The following GRIP1 variants were observed in gnomAD, a reference collection of about 807,000 sequenced individuals.
The protein encoded by GRIP1 is glutamate receptor interacting protein 1, also known as glutamate receptor-interacting protein 1.
A neutral mutation model predicts 129.9 loss-of-function variants in GRIP1; 45 were observed. The observed-to-expected ratio is 0.35, with a 90% CI of 0.27 to 0.44. GRIP1 has a LOEUF of 0.44. GRIP1 is among the 20% of genes least tolerant of loss of function. GRIP1 has a pLI of 1.00. For missense variants in GRIP1, 1,196 were observed against 1,396.8 expected (o/e 0.86, Z 2.29); for synonymous variants, 530 against 520.8 (o/e 1.02, Z -0.24).
At chr12:66,681,521 G>C (rs1248376216), upstream of GRIP1, among the ~76,000 whole-genome samples, 2 of 152,176 alleles carry the variant, frequency 1.3e-5, no homozygotes, top group Non-Finnish European at 2.9e-5. Flanking sequence ...CTACAAGGCA[G>C]AGTGACCTAC....
chr12:66,650,404 C>G (rs2032709032), intron 1 of GRIP1, among the ~76,000 whole-genome samples: 1 of 152,130 alleles, frequency 6.6e-6, no homozygotes, highest in Non-Finnish European at 1.5e-5. Flanking sequence ...ACCATCTTAA[C>G]TATTCTCAGT....
At chr12:66,371,348 A>G (rs1233157446) in intron 23 of GRIP1, among the ~76,000 whole-genome samples, 2 of 151,992 alleles carry the variant, frequency 1.3e-5, no homozygotes, top group Non-Finnish European at 2.9e-5. Context: ...TAGTAGAGAC[A>G]GGGTTTCACC....
chr12:66,668,784 T>A (rs11176369), intron 1 of GRIP1, among the ~76,000 whole-genome samples: 7,322 of 146,348 alleles, frequency 0.05, 264 homozygotes, highest in East Asian at 0.11. Context: ...GAAAAAAAAA[T>A]AATAATAATA....
intron 1 of GRIP1, among the ~76,000 whole-genome samples, chr12:66,814,313 T>C (rs1232221616): frequency 6.6e-6 from 1 of 152,066 alleles, no homozygotes; most frequent in Non-Finnish European, 1.5e-5. Context: ...CTCTTGGAGA[T>C]TGGTACATAG....
At chr12:66,876,441 A>G (rs977009364) in intron 1 of GRIP1, among the ~76,000 whole-genome samples, 1 of 152,074 alleles carries the variant, frequency 6.6e-6, no homozygotes, top group African/African-American at 2.4e-5. Flanking sequence ...ACTAGCACAC[A>G]TTACTGGCCT....
At chr12:66,785,467 G>T (rs1194468217) in intron 1 of GRIP1, among the ~76,000 whole-genome samples, 1 of 150,810 alleles carries the variant, frequency 6.6e-6, no homozygotes, top group Non-Finnish European at 1.5e-5. Context: ...AGCTCTGATT[G>T]TGCCACTGCA....
intron 1 of GRIP1, among the ~76,000 whole-genome samples, chr12:66,849,946 C>T (rs1373220335): frequency 6.6e-6 from 1 of 152,136 alleles, no homozygotes; most frequent in Non-Finnish European, 1.5e-5. Context: ...GAGCTCCAAC[C>T]CAGTTTCTCA....
At chr12:66,596,290 G>C (rs1219622224) in intron 2 of GRIP1, among the ~76,000 whole-genome samples, 1 of 152,076 alleles carries the variant, frequency 6.6e-6, no homozygotes, top group Non-Finnish European at 1.5e-5. Flanking sequence ...GACATTTAAA[G>C]ATATTTCTTC....
intron 2 of GRIP1, among the ~76,000 whole-genome samples, chr12:66,561,812 G>A (rs928131769): frequency 6.6e-6 from 1 of 152,158 alleles, no homozygotes; most frequent in Non-Finnish European, 1.5e-5. Flanking sequence ...GAAAGAATAT[G>A]TCTGGGTTTG....
At chr12:66,597,178 T>C (rs1348383521) in intron 1 of GRIP1, among the ~76,000 whole-genome samples, 3 of 152,206 alleles carry the variant, frequency 2.0e-5, no homozygotes, top group East Asian at 1.9e-4. Context: ...TCAAAAGCTA[T>C]AGTGCTCGTG....
Position 66,861,502 on chromosome 12 carries a change from G to A in GRIP1, c.58+207548C>T, listed in dbSNP as rs534218675. On this transcript the variant is annotated intron_variant, in intron 1 of 1. Coordinates refer to the GRIP1 transcript ENST00000643019. Reference sequence around the variant, plus strand: ...AGAAAGAAGATTTTATAGCCCCTATGCTCTTTTGCTTAGAAAAGTAGAACA... The same window carrying A: ...AGAAAGAAGATTTTATAGCCCCTATACTCTTTTGCTTAGAAAAGTAGAACA... Among the ~76,000 whole-genome samples the A allele has an allele frequency of 7.9e-5, 12 of 152,218 alleles. No individual in the cohort carries two copies. The East Asian group carries it at 2.3e-3, about 29-fold the overall frequency.
chr12:66,805,099 T>C (rs1327637032), upstream of GRIP1, among the ~76,000 whole-genome samples: 1 of 151,786 alleles, frequency 6.6e-6, no homozygotes, highest in African/African-American at 2.4e-5. Context: ...GAAATACAAA[T>C]AATCCAACTC....
chr12:66,675,898 A>G (rs2034304061), intron 1 of GRIP1, among the ~76,000 whole-genome samples: 1 of 152,166 alleles, frequency 6.6e-6, no homozygotes, highest in Non-Finnish European at 1.5e-5. Context: ...ATTGGTAGGT[A>G]CCTGATAAGG....
chr12:66,669,398 T>C (rs1352044627), intron 1 of GRIP1, among the ~76,000 whole-genome samples: 5 of 151,812 alleles, frequency 3.3e-5, no homozygotes, highest in African/African-American at 1.2e-4. Flanking sequence ...AATAAATAAA[T>C]AAATAAATAA....
intron 7 of GRIP1, among the ~76,000 whole-genome samples, chr12:66,490,500 A>G (rs778097934): frequency 1.3e-5 from 2 of 152,250 alleles, no homozygotes; most frequent in African/African-American, 4.8e-5. Context: ...AAAGACTTAA[A>G]TGTTAAACCC....
At chr12:66,456,658 AT>A (rs5798825) in intron 9 of GRIP1, among the ~76,000 whole-genome samples, 8 of 151,602 alleles carry the variant, frequency 5.3e-5, no homozygotes, top group African/African-American at 1.2e-4. Flanking sequence ...GATTAAGAAC[AT>A]TTTTTTTAAC....
chr12:66,900,792 T>C (rs2040832590), intron 1 of GRIP1, among the ~76,000 whole-genome samples: 1 of 152,154 alleles, frequency 6.6e-6, no homozygotes, highest in African/African-American at 2.4e-5. Context: ...CATGGGAAGC[T>C]AGGAAATAAG....
intron 1 of GRIP1, among the ~76,000 whole-genome samples, chr12:66,929,632 C>T (rs2041354680): frequency 1.3e-5 from 2 of 152,152 alleles, no homozygotes; most frequent in African/African-American, 2.4e-5. Flanking sequence ...AATACCTTTC[C>T]TCCTTCATAT....
intron 1 of GRIP1, among the ~76,000 whole-genome samples, chr12:66,891,434 G>A (rs1434674216): frequency 6.6e-6 from 1 of 152,194 alleles, no homozygotes; most frequent in Non-Finnish European, 1.5e-5. Context: ...TGGATGGCCT[G>A]GCTGCAGTCA....
Sources: allele counts gnomAD v4.1 joint callset (sites outside exome capture counted in the v4.1 genomes callset), GRCh38; gene constraint gnomAD v4.1.1; transcripts MANE v1.5; gene names NCBI Gene and HGNC (gene_info 2026-07-23, HGNC 2026-07-21).